The following FOXP1 variants were observed in gnomAD, a reference collection of about 807,000 sequenced individuals.
FOXP1 encodes forkhead box P1.
A neutral mutation model predicts 98.2 loss-of-function variants in FOXP1; 15 were observed. That is an observed-to-expected ratio of 0.15 (90% CI 0.10 to 0.24). FOXP1 has a LOEUF of 0.24. FOXP1 is among the 10% of genes least tolerant of loss of function. The probability of loss-of-function intolerance (pLI) is 1.00; values close to 1 mark genes in which losing one functional copy is unlikely to be tolerated. For synonymous variants in FOXP1, 371 were observed against 314.5 expected (o/e 1.18, Z -1.90); for missense variants, 633 against 848.5 (o/e 0.75, Z 3.15).
intron 2 of FOXP1, among the ~76,000 whole-genome samples, chr3:71,513,513 C>T (rs2042348849): frequency 6.6e-6 from 1 of 152,200 alleles, no homozygotes; most frequent in African/African-American, 2.4e-5. Flanking sequence ...TGCTCCTTCT[C>T]TTACCCCACC....
intron 5 of FOXP1, among the ~76,000 whole-genome samples, chr3:71,228,911 G>A (rs1360816599): frequency 1.3e-5 from 2 of 151,230 alleles, no homozygotes; most frequent in Non-Finnish European, 2.9e-5. Context: ...AAACACAAAA[G>A]ATGTTTAAAA....
intron 6 of FOXP1, among the ~76,000 whole-genome samples, chr3:71,116,015 C>T (rs974105494): frequency 7.2e-5 from 11 of 152,196 alleles, no homozygotes; most frequent in Non-Finnish European, 1.0e-4. Context: ...GGATTATAGG[C>T]GTGAGCCACC....
intron 6 of FOXP1, among the ~76,000 whole-genome samples, chr3:71,191,116 G>T (rs973353663): frequency 1.3e-5 from 2 of 151,926 alleles, no homozygotes; most frequent in South Asian, 4.1e-4. Flanking sequence ...CGAGCTATAG[G>T]TTTACATTAT....
intron 4 of FOXP1, among the ~76,000 whole-genome samples, chr3:71,316,179 G>A (rs1238885755): frequency 6.6e-6 from 1 of 152,142 alleles, no homozygotes; most frequent in Non-Finnish European, 1.5e-5. Context: ...GTGTTTAATT[G>A]CTACAGACGG....
intron 20 of FOXP1, among the ~76,000 whole-genome samples, chr3:70,960,965 C>A (rs1483596825): frequency 6.6e-6 from 1 of 151,384 alleles, no homozygotes; most frequent in African/African-American, 2.4e-5. Flanking sequence ...CCTCAGCCTC[C>A]TGAGTAAGCT....
At chr3:71,317,203 C>T (rs1311629095) in intron 4 of FOXP1, among the ~76,000 whole-genome samples, 4 of 152,124 alleles carry the variant, frequency 2.6e-5, no homozygotes, top group Admixed American at 1.3e-4. Context: ...ATTATACATG[C>T]TAAAATATAT....
chr3:71,173,609 A>G (rs963797965), intron 6 of FOXP1, among the ~76,000 whole-genome samples: 2 of 152,188 alleles, frequency 1.3e-5, no homozygotes, highest in African/African-American at 4.8e-5. Context: ...GCAACTTTAA[A>G]GTGAGGGTGG....
intron 4 of FOXP1, among the ~76,000 whole-genome samples, chr3:71,310,262 A>T (rs1334855495): frequency 6.6e-6 from 1 of 152,188 alleles, no homozygotes; most frequent in Non-Finnish European, 1.5e-5. Context: ...TTACTTATAT[A>T]CTTATTTTTG....
intron 18 of FOXP1, chr3:70,972,301 A>C: frequency 9.7e-7 from 1 of 1,028,068 alleles, no homozygotes; most frequent in East Asian, 2.6e-5. Flanking sequence ...AAGCATAAGC[A>C]AATGGTTTGT....
intron 3 of FOXP1, among the ~76,000 whole-genome samples, chr3:71,465,691 AATCCATCTTTCC>A (rs1231554850): frequency 6.6e-6 from 1 of 152,176 alleles, no homozygotes; most frequent in African/African-American, 2.4e-5. Context: ...AAAAAGAGCA[AATCCATCTTTCC>A]ATCCATCTAA....
chr3:71,048,351 T>C (rs973681370), intron 9 of FOXP1, among the ~76,000 whole-genome samples: 1 of 152,138 alleles, frequency 6.6e-6, no homozygotes, highest in Non-Finnish European at 1.5e-5. Flanking sequence ...TAAAATGGTA[T>C]GTATATCAAG....
At chr3:71,497,544 G>T (rs1056741037) in intron 2 of FOXP1, among the ~76,000 whole-genome samples, 3 of 152,172 alleles carry the variant, frequency 2.0e-5, no homozygotes, top group Non-Finnish European at 4.4e-5. Flanking sequence ...GACTGCAAAT[G>T]TGAGTGTGCA....
chr3:71,488,052 T>C (rs979434911), intron 3 of FOXP1, among the ~76,000 whole-genome samples: 1 of 152,218 alleles, frequency 6.6e-6, no homozygotes, highest in Non-Finnish European at 1.5e-5. Context: ...TTTGAAGATA[T>C]GTTTTTCCCT....
chr3:70,979,279 C>CAAAAAAAAAAAAAAAAAA (rs544916383), intron 14 of FOXP1, among the ~76,000 whole-genome samples: 10 of 42,562 alleles, frequency 2.3e-4, no homozygotes, highest in East Asian at 1.3e-3. Context: ...GACTCTACCT[C>CAAAAAAAAAAAAAAAAAA]AAAAAAAAAA....
At chr3:71,406,574 G>A (rs1470416428) in intron 3 of FOXP1, among the ~76,000 whole-genome samples, 1 of 151,520 alleles carries the variant, frequency 6.6e-6, no homozygotes, top group Non-Finnish European at 1.5e-5. Flanking sequence ...CTACTTTTAA[G>A]GACACTGGTG....
chr3:71,260,314 G>A (rs1440291409), intron 5 of FOXP1, among the ~76,000 whole-genome samples: 1 of 152,102 alleles, frequency 6.6e-6, no homozygotes, highest in Non-Finnish European at 1.5e-5. Context: ...AAGGCTCGGG[G>A]CGCGGGGGGA....
At chr3:71,067,550 T>G (rs2052667770) in intron 7 of FOXP1, among the ~76,000 whole-genome samples, 1 of 152,092 alleles carries the variant, frequency 6.6e-6, no homozygotes, top group Non-Finnish European at 1.5e-5. Flanking sequence ...ATTCCAGCCC[T>G]CATTGTACAG....
chr3:71,354,229 G>A (rs180775244), intron 4 of FOXP1, among the ~76,000 whole-genome samples: 1 of 151,578 alleles, frequency 6.6e-6, no homozygotes, highest in African/African-American at 2.4e-5. Context: ...GGTGAGCTGA[G>A]ATTGCGCCAC....
chr3:71,138,609 T>A (rs2059927462), intron 6 of FOXP1, among the ~76,000 whole-genome samples: 1 of 152,194 alleles, frequency 6.6e-6, no homozygotes, highest in Non-Finnish European at 1.5e-5. Context: ...AATAGGATAC[T>A]ATCTCTCAAA....
Sources: gnomAD v4.1 joint callset for allele counts (sites outside exome capture counted in the v4.1 genomes callset) on GRCh38, gnomAD v4.1.1 for gene constraint, MANE v1.5 for transcripts, NCBI Gene and HGNC (gene_info 2026-07-23, HGNC 2026-07-21) for gene names.